Variants in NNMT observed in about 807,000 individuals in gnomAD.
NNMT encodes nicotinamide N-methyltransferase.
NNMT carries 10 observed loss-of-function variants against 11.7 expected under a neutral mutation model. The observed-to-expected ratio is 0.85, with a 90% confidence interval of 0.53 to 1.45. NNMT has a LOEUF of 1.45. Among genes scored for constraint, NNMT ranks in the 40% most tolerant of loss-of-function variants. The pLI, the probability that NNMT is intolerant of heterozygous loss-of-function variation, is 0.00. For synonymous variants in NNMT, 143 were observed against 133.8 expected, an observed-to-expected ratio of 1.07 and a Z score of -0.48; for missense variants, 381 against 319.4, an observed-to-expected ratio of 1.19 and a Z score of -1.47.
At position 114,312,845 on chromosome 11, in the gene NNMT, T is replaced by C; in HGVS notation, c.*368T>C. On this transcript the variant is annotated 3_prime_UTR_variant, in exon 3 of 3. Transcript: ENST00000299964. ...TCCTAAGGGGGCACTGCTGGCTCCT[T>C]CTCTCCCAGGAATGGGCTTCTCCTA... 5.1e-6 allele frequency: 1 copy of C among 194,366 alleles called. No homozygotes were observed. The highest frequency in any genetic ancestry group is 1.1e-5 in the Non-Finnish European group (1 of 93,366). 12.0% of individuals were successfully genotyped at this position (194,366 alleles called of 1,614,324 possible).
At chr11:114,303,639 T>C (rs912373109) in intron 2 of NNMT, among the ~76,000 whole-genome samples, 7 of 152,246 alleles carry the variant, frequency 4.6e-5, no homozygotes, top group African/African-American at 1.7e-4. Context: ...ATTTTGTCAC[T>C]CTTACACATG....
At chr11:114,306,087 C>G (rs559878369) in intron 2 of NNMT, among the ~76,000 whole-genome samples, 1 of 152,206 alleles carries the variant, frequency 6.6e-6, no homozygotes, top group Non-Finnish European at 1.5e-5. Flanking sequence ...ATTTGCATTT[C>G]TCTGATGACC....
At chr11:114,290,808 T>C (rs980624761) in intron 2 of NNMT, among the ~76,000 whole-genome samples, 7 of 152,224 alleles carry the variant, frequency 4.6e-5, no homozygotes, top group African/African-American at 1.7e-4. Flanking sequence ...TTGTCCCAAT[T>C]CTTCAAAGAC....
At chr11:114,308,702 C>T (rs557012649) in intron 2 of NNMT, among the ~76,000 whole-genome samples, 9 of 152,282 alleles carry the variant, frequency 5.9e-5, no homozygotes, top group African/African-American at 1.7e-4. Context: ...TTACCTACCC[C>T]ATGAGCTAAA....
At chr11:114,283,406 T>C (rs1395429650) in intron 2 of NNMT, among the ~76,000 whole-genome samples, 3 of 152,156 alleles carry the variant, frequency 2.0e-5, no homozygotes, top group African/African-American at 4.8e-5. Flanking sequence ...AATACAAATA[T>C]ATGCATACAC....
intron 2 of NNMT, among the ~76,000 whole-genome samples, chr11:114,274,916 A>AACAGGGAAAC (rs1290907103): frequency 6.6e-6 from 1 of 152,212 alleles, no homozygotes; most frequent in African/African-American, 2.4e-5. Flanking sequence ...CACTGCTGGG[A>AACAGGGAAAC]ACAGGGAAAC....
upstream of NNMT, among the ~76,000 whole-genome samples, chr11:114,295,573 T>C (rs942372232): frequency 6.6e-5 from 10 of 151,568 alleles, no homozygotes; most frequent in Non-Finnish European, 1.2e-4. Context: ...TGCAGGTGCC[T>C]ACCACCAAGC....
At chr11:114,287,370 T>C (rs568692646) in intron 2 of NNMT, among the ~76,000 whole-genome samples, 2 of 152,340 alleles carry the variant, frequency 1.3e-5, no homozygotes, top group African/African-American at 4.8e-5. Context: ...TCTTTAGAGT[T>C]TTGCCCTTCA....
At chr11:114,264,103 T>C (rs1255419443) in intron 2 of NNMT, among the ~76,000 whole-genome samples, 1 of 152,102 alleles carries the variant, frequency 6.6e-6, no homozygotes. Flanking sequence ...TCTCAGTCTT[T>C]CCAAGCCCTT....
Position 114,310,596 on chromosome 11 carries a change from G to GGA in NNMT, c.363-1448_363-1447insAG, listed in dbSNP as rs1412329377. Among the ~76,000 whole-genome samples, 8 of 152,338 alleles carry GGA rather than the reference G, an allele frequency of 5.3e-5. No homozygotes were observed. In the East Asian group the frequency reaches 1.5e-3, roughly 29 times the overall value. ...GTCTCCCTCACTTGCTGGAATGTGG[G>GGA]GCCATCTCTGCTGTCTGTCAAGCCT... On this transcript the variant is annotated intron_variant, in intron 2 of 2. Transcript: ENST00000299964.
upstream of NNMT, among the ~76,000 whole-genome samples, chr11:114,291,412 G>C (rs1945334100): frequency 1.3e-5 from 2 of 152,232 alleles, no homozygotes; most frequent in African/African-American, 4.8e-5. Flanking sequence ...CTTTGCCAGT[G>C]TCTCTATGTT....
At chr11:114,297,067 G>A (rs1251146671) in intron 1 of NNMT, among the ~76,000 whole-genome samples, 1 of 152,200 alleles carries the variant, frequency 6.6e-6, no homozygotes, top group Admixed American at 6.5e-5. Flanking sequence ...CTGTGAATAT[G>A]CATGAGATAA....
intron 2 of NNMT, among the ~76,000 whole-genome samples, chr11:114,277,797 C>T (rs1591828958): frequency 6.6e-6 from 1 of 152,054 alleles, no homozygotes; most frequent in African/African-American, 2.4e-5. Context: ...GGTAAGTGAT[C>T]GATTCATTCA....
At chr11:114,308,838 A>G (rs1945518319) in intron 2 of NNMT, among the ~76,000 whole-genome samples, 1 of 152,150 alleles carries the variant, frequency 6.6e-6, no homozygotes, top group African/African-American at 2.4e-5. Flanking sequence ...TGTGTGTCCA[A>G]GGACAAGCAG....
In NNMT at chr11:114,311,953, G is replaced by T. The variant is rs971761685; in HGVS notation, c.363-92G>T. On this transcript the variant is annotated intron_variant, in intron 2 of 2. Transcript: ENST00000299964. ...AGGTGGCCCTAAGGACACACATCTGGGACAATACGGCCATTTTTAGCCTTG... is the reference window on the plus strand; with the variant it reads ...AGGTGGCCCTAAGGACACACATCTGTGACAATACGGCCATTTTTAGCCTTG... 5.9e-6 allele frequency: 8 copies of T among 1,365,366 alleles called. No individual in the cohort carries two copies. In the African/African-American group the frequency reaches 1.2e-4, roughly 20 times the overall value. The allele number at this position is 1,365,366 out of a possible 1,614,324, so 84.6% of individuals were successfully genotyped here.
intron 2 of NNMT, among the ~76,000 whole-genome samples, chr11:114,279,253 A>AAC (rs1384184400): frequency 6.6e-6 from 1 of 152,180 alleles, no homozygotes; most frequent in Admixed American, 6.5e-5. Flanking sequence ...TTTATTAAAA[A>AAC]ACACACAGCG....
Position 114,296,699 on chromosome 11 carries a change from TA to T in NNMT, c.144del (p.Phe49SerfsTer3). 6.2e-7 allele frequency: 1 copy of T among 1,614,232 alleles called. No homozygotes were observed. On this transcript the variant is annotated frameshift_variant, in exon 1 of 3. Transcript: ENST00000299964. LOFTEE classifies it high-confidence loss of function. ...CACCTTCTGAAAAATCTTTTCAAGATATTCTGCCTAGGTAAGTCTGTTGTCT... is the reference window on the plus strand; with the variant it reads ...CACCTTCTGAAAAATCTTTTCAAGATTTCTGCCTAGGTAAGTCTGTTGTCT... ...LKHLLKNLFK[I>X]FCLDGVKGDL... is the part of the protein sequence containing the mutation.
chr11:114,259,347 TG>T (rs762411732), intron 1 of NNMT, among the ~76,000 whole-genome samples: 2,230 of 115,066 alleles, frequency 0.019, 135 homozygotes, highest in East Asian at 0.11. Context: ...AGAGGCCCAG[TG>T]GGGGGGGGGG....
Position 114,305,917 on chromosome 11 carries a change from T to A in NNMT, c.363-6128T>A, listed in dbSNP as rs536912445. ...TTTCTAGTTCTAGATCCCTGAGGAA[T>A]CACCACACTGACTTCCACAATGGTT... On this transcript the variant is annotated intron_variant, in intron 2 of 2. Coordinates refer to ENST00000299964, the MANE Select transcript of NNMT (RefSeq NM_006169.3). 7.5e-3 allele frequency among the ~76,000 whole-genome samples: 1,136 copies of A among 152,274 alleles called. 13 individuals are homozygous for A. The highest frequency in any genetic ancestry group is 0.026 in the African/African-American group (1,098 of 41,544).
Sources: allele counts gnomAD v4.1 joint callset (sites outside exome capture counted in the v4.1 genomes callset), GRCh38; gene constraint gnomAD v4.1.1; transcripts MANE v1.5; gene names NCBI Gene and HGNC (gene_info 2026-07-23, HGNC 2026-07-21).